TNFRSF11A: variants seen among roughly 807,000 people sequenced by gnomAD.
The protein encoded by TNFRSF11A is TNF receptor superfamily member 11a, also known as tumor necrosis factor receptor superfamily member 11A.
TNFRSF11A carries 32 observed loss-of-function variants against 55.7 expected under a neutral mutation model. The ratio of observed to expected loss-of-function variants is 0.57; its 90% CI spans 0.43 to 0.77. The LOEUF is 0.77. Among genes scored for constraint, TNFRSF11A ranks in the 30% least tolerant of loss-of-function variants. TNFRSF11A has a pLI of 0.00. For synonymous variants in TNFRSF11A, 311 were observed against 331.0 expected (o/e 0.94, Z 0.65); for missense variants, 753 against 809.8 (o/e 0.93, Z 0.85).
intron 1 of TNFRSF11A, among the ~76,000 whole-genome samples, chr18:62,347,698 A>C (rs1427063535): frequency 1.3e-5 from 2 of 152,106 alleles, no homozygotes; most frequent in Non-Finnish European, 2.9e-5. Context: ...GGATCACCTG[A>C]GGTCAGGAGT....
At chr18:62,329,942 C>T (rs974283275) in intron 1 of TNFRSF11A, among the ~76,000 whole-genome samples, 3 of 152,172 alleles carry the variant, frequency 2.0e-5, no homozygotes, top group Non-Finnish European at 2.9e-5. Flanking sequence ...TCTTTAGGGC[C>T]GTGTGATGAT....
intron 7 of TNFRSF11A, among the ~76,000 whole-genome samples, chr18:62,364,308 A>T (rs1427980540): frequency 6.6e-6 from 1 of 152,182 alleles, no homozygotes; most frequent in Non-Finnish European, 1.5e-5. Context: ...CCGTAGCAGA[A>T]AGCCAGGGAC....
intron 9 of TNFRSF11A, among the ~76,000 whole-genome samples, chr18:62,371,888 C>T (rs1910581317): frequency 6.6e-6 from 1 of 152,186 alleles, no homozygotes; most frequent in Non-Finnish European, 1.5e-5. Context: ...CCCTCAAAGC[C>T]CCTGTGCTCT....
At chr18:62,372,126 C>G (rs1264611912) in intron 9 of TNFRSF11A, among the ~76,000 whole-genome samples, 1 of 151,998 alleles carries the variant, frequency 6.6e-6, no homozygotes, top group Non-Finnish European at 1.5e-5. Context: ...ATCATGATAC[C>G]CAGTGCTGTT....
intron 1 of TNFRSF11A, among the ~76,000 whole-genome samples, chr18:62,333,200 C>T (rs2046180771): frequency 6.6e-6 from 1 of 152,188 alleles, no homozygotes; most frequent in African/African-American, 2.4e-5. Flanking sequence ...TGCGAATAAA[C>T]CTCCAGAACT....
At chr18:62,360,201 T>C in intron 6 of TNFRSF11A, 152 bp downstream of exon 6, 1 of 686,188 alleles carries the variant, frequency 1.5e-6, no homozygotes, top group South Asian at 1.5e-5. Flanking sequence ...TTCTCATCAG[T>C]ATTTTAATTC....
intron 1 of TNFRSF11A, among the ~76,000 whole-genome samples, chr18:62,331,537 C>A (rs2046153957): frequency 1.3e-5 from 2 of 152,170 alleles, no homozygotes; most frequent in African/African-American, 4.8e-5. Flanking sequence ...GCTCTGACAT[C>A]TAGAGAGCCA....
At chr18:62,348,142 C>G in intron 1 of TNFRSF11A, 26 bp from the exon 2 acceptor site, 1 of 1,591,034 alleles carries the variant, frequency 6.3e-7, no homozygotes, top group South Asian at 1.1e-5. Context: ...TGTGGACTCT[C>G]TGCCTGACCT....
chr18:62,370,170 G>A (rs893145109), intron 9 of TNFRSF11A, among the ~76,000 whole-genome samples: 3 of 152,086 alleles, frequency 2.0e-5, no homozygotes, highest in Admixed American at 1.3e-4. Context: ...ACAACCCACC[G>A]ATTATAATAT....
In TNFRSF11A at chr18:62,390,935, A is replaced by G. The variant is rs910796925; in HGVS notation, c.*5901A>G. 3 of 152,248 alleles carry G rather than the reference A, an allele frequency of 2.0e-5. No individual in the cohort carries two copies. The highest frequency in any genetic ancestry group is 4.4e-5 in the Non-Finnish European group (3 of 68,040). 9.4% of individuals were successfully genotyped at this position (152,248 alleles called of 1,614,324 possible). Reference sequence around the variant, plus strand: ...TTTATGAGTTTTAACAAAAATACATAGTTGTGTAACCACCACCATCACAAT... The same window carrying G: ...TTTATGAGTTTTAACAAAAATACATGGTTGTGTAACCACCACCATCACAAT... On this transcript the variant is annotated 3_prime_UTR_variant, in exon 10 of 10. Coordinates refer to ENST00000586569, the MANE Select transcript of TNFRSF11A (RefSeq NM_003839.4).
intron 9 of TNFRSF11A, chr18:62,372,994 A>G (rs919931328): frequency 1.3e-5 from 2 of 152,254 alleles, no homozygotes; most frequent in African/African-American, 4.8e-5. Flanking sequence ...AATGCCAGGG[A>G]GTGGACCGTG....
chr18:62,338,557 C>T (rs1453489501), intron 1 of TNFRSF11A, among the ~76,000 whole-genome samples: 2 of 152,076 alleles, frequency 1.3e-5, no homozygotes, highest in South Asian at 2.1e-4. Flanking sequence ...AAGCAAAATT[C>T]GCCAGACACA....
At chr18:62,338,601 A>G (rs1233655144) in intron 1 of TNFRSF11A, among the ~76,000 whole-genome samples, 1 of 152,108 alleles carries the variant, frequency 6.6e-6, no homozygotes, top group Non-Finnish European at 1.5e-5. Flanking sequence ...CACTTACATG[A>G]GGTATAGAGA....
intron 1 of TNFRSF11A, among the ~76,000 whole-genome samples, chr18:62,328,788 G>A (rs1398807234): frequency 6.6e-6 from 1 of 152,202 alleles, no homozygotes; most frequent in African/African-American, 2.4e-5. Context: ...TCATTTTGCT[G>A]AGAAATATTT....
At chr18:62,362,930 G>T (rs933991861) in intron 7 of TNFRSF11A, among the ~76,000 whole-genome samples, 2 of 151,958 alleles carry the variant, frequency 1.3e-5, no homozygotes, top group Admixed American at 1.3e-4. Context: ...TGCAGCCTCC[G>T]CCTCCCAGGT....
chr18:62,382,968 C>T (rs1379107506), intron 9 of TNFRSF11A, among the ~76,000 whole-genome samples: 3 of 152,094 alleles, frequency 2.0e-5, no homozygotes, highest in Non-Finnish European at 4.4e-5. Flanking sequence ...TGAGAAGTAA[C>T]TTGGTAAGTG....
At chr18:62,354,340 T>G in intron 3 of TNFRSF11A, 51 bp from the exon 4 acceptor site, 2 of 1,510,722 alleles carry the variant, frequency 1.3e-6, no homozygotes, top group Non-Finnish European at 1.8e-6. Context: ...GGCGGTGTGT[T>G]TGGGCTGCCT....
At chr18:62,337,604 G>A (rs1417594550) in intron 1 of TNFRSF11A, among the ~76,000 whole-genome samples, 4 of 152,174 alleles carry the variant, frequency 2.6e-5, no homozygotes, top group Admixed American at 6.5e-5. Flanking sequence ...GGCACGTGCT[G>A]TACATTTGGC....
In TNFRSF11A at chr18:62,358,234, T is replaced by G. The variant is rs977344921; in HGVS notation, c.428-14T>G. ...TTGTTCTGTCTGGGTTGTTTTTTTT[T>G]TTTTTTCTCACAGTGCAGCTCAACA... is the stretch of plus-strand genomic sequence containing the variant. On this transcript the variant is annotated splice_polypyrimidine_tract_variant and intron_variant, in intron 4 of 9. Transcript: ENST00000586569. 6.2e-7 allele frequency: 1 copy of G among 1,603,486 alleles called. No individual in the cohort carries two copies. The highest frequency in any genetic ancestry group is 1.3e-5 in the African/African-American group (1 of 74,674).
Sources: gnomAD v4.1 joint callset for allele counts (sites outside exome capture counted in the v4.1 genomes callset) on GRCh38, gnomAD v4.1.1 for gene constraint, MANE v1.5 for transcripts, NCBI Gene and HGNC (gene_info 2026-07-23, HGNC 2026-07-21) for gene names.